Variants in WWC1 observed in about 807,000 individuals in gnomAD.
The protein encoded by WWC1 is protein KIBRA.
WWC1 carries 55 observed loss-of-function variants against 138.4 expected under a neutral mutation model. The ratio of observed to expected loss-of-function variants is 0.40; its 90% CI spans 0.32 to 0.50. The LOEUF (loss-of-function observed/expected upper bound fraction) is 0.50. WWC1 is among the 20% of genes least tolerant of loss of function. WWC1 has a pLI of 0.72. For missense variants in WWC1, 1,226 were observed against 1,420.4 expected, an observed-to-expected ratio of 0.86 and a Z score of 2.20; for synonymous variants, 524 against 564.9, an observed-to-expected ratio of 0.93 and a Z score of 1.03.
chr5:168,363,041 T>A (rs1775995717), intron 1 of WWC1, among the ~76,000 whole-genome samples: 1 of 151,816 alleles, frequency 6.6e-6, no homozygotes, highest in Non-Finnish European at 1.5e-5. Flanking sequence ...AACAAGGAGA[T>A]CTAAGGGTGG....
At chr5:168,435,209 G>A (rs1241098039) in intron 15 of WWC1, among the ~76,000 whole-genome samples, 3 of 152,108 alleles carry the variant, frequency 2.0e-5, no homozygotes, top group Admixed American at 6.5e-5. Flanking sequence ...ATATCTGGCT[G>A]TTCTTGTAGG....
intron 3 of WWC1, among the ~76,000 whole-genome samples, chr5:168,387,969 AAAAC>A (rs1227985388): frequency 6.6e-6 from 1 of 152,212 alleles, no homozygotes; most frequent in African/African-American, 2.4e-5. Context: ...TATAAAAACA[AAAAC>A]AAACCTTTGT....
At chr5:168,443,883 A>C (rs867377265) in intron 16 of WWC1, among the ~76,000 whole-genome samples, 1 of 152,226 alleles carries the variant, frequency 6.6e-6, no homozygotes, top group Non-Finnish European at 1.5e-5. Context: ...TGTGCCAGGT[A>C]TTCTTCTGTG....
At chr5:168,309,818 C>T (rs1770906698) in intron 1 of WWC1, among the ~76,000 whole-genome samples, 1 of 152,182 alleles carries the variant, frequency 6.6e-6, no homozygotes, top group South Asian at 2.1e-4. Flanking sequence ...GTCCCCAAGC[C>T]CTCAACCACC....
At chr5:168,424,104 A>G (rs1781332928) in intron 11 of WWC1, 36 bp downstream of exon 11, 1 of 1,546,120 alleles carries the variant, frequency 6.5e-7, no homozygotes, top group East Asian at 2.3e-5. Flanking sequence ...GGGAACCAGG[A>G]GGAGGGAAAG....
At chr5:168,325,136 G>A (rs1229973872) in intron 1 of WWC1, among the ~76,000 whole-genome samples, 5 of 152,200 alleles carry the variant, frequency 3.3e-5, no homozygotes, top group Non-Finnish European at 7.3e-5. Context: ...GCCTCATTCT[G>A]TGCATAGCAT....
intron 16 of WWC1, among the ~76,000 whole-genome samples, chr5:168,443,729 T>G (rs999854763): frequency 1.3e-5 from 2 of 152,224 alleles, no homozygotes; most frequent in Admixed American, 1.3e-4. Flanking sequence ...AGTTCCCTCT[T>G]TCCCTTCTTA....
At chr5:168,366,645 C>G (rs1351419908) in intron 1 of WWC1, among the ~76,000 whole-genome samples, 3 of 152,078 alleles carry the variant, frequency 2.0e-5, no homozygotes, top group African/African-American at 7.2e-5. Flanking sequence ...GTATTTGGCT[C>G]TGACATCTCA....
chr5:168,361,347 C>A (rs566849207), intron 1 of WWC1, among the ~76,000 whole-genome samples: 1 of 152,232 alleles, frequency 6.6e-6, no homozygotes, highest in East Asian at 1.9e-4. Flanking sequence ...CTTCATTCTA[C>A]TGTGGTGTGG....
chr5:168,461,147 A>G (rs1231078851), intron 20 of WWC1, among the ~76,000 whole-genome samples: 1 of 151,956 alleles, frequency 6.6e-6, no homozygotes, highest in African/African-American at 2.4e-5. Flanking sequence ...TGGCCAACAC[A>G]GTGAAACCCC....
intron 9 of WWC1, among the ~76,000 whole-genome samples, chr5:168,418,625 C>T (rs966423235): frequency 2.0e-5 from 3 of 152,244 alleles, no homozygotes; most frequent in South Asian, 4.2e-4. Flanking sequence ...AATGCCAGGA[C>T]GTCATGGCAG....
At chr5:168,298,450 T>C (rs1277441982) in intron 1 of WWC1, among the ~76,000 whole-genome samples, 2 of 152,200 alleles carry the variant, frequency 1.3e-5, no homozygotes, top group Non-Finnish European at 2.9e-5. Flanking sequence ...TGTAGATGTA[T>C]AATAATAATA....
intron 16 of WWC1, 47 bp downstream of exon 16, chr5:168,441,881 A>G: frequency 6.3e-7 from 1 of 1,587,866 alleles, no homozygotes; most frequent in Non-Finnish European, 8.6e-7. Context: ...CCGCACCCGG[A>G]TGTTGGAAGG....
At chr5:168,373,356 G>A (rs1776899405) in intron 2 of WWC1, among the ~76,000 whole-genome samples, 1 of 152,074 alleles carries the variant, frequency 6.6e-6, no homozygotes, top group Non-Finnish European at 1.5e-5. Flanking sequence ...GTATGGGGGT[G>A]ATTAAATGGG....
At chr5:168,436,379 T>C (rs1432635070) in intron 15 of WWC1, among the ~76,000 whole-genome samples, 1 of 152,150 alleles carries the variant, frequency 6.6e-6, no homozygotes, top group Non-Finnish European at 1.5e-5. Context: ...TTCTTCCTCA[T>C]TTCCCTGACC....
intron 4 of WWC1, 72 bp from the exon 5 acceptor site, chr5:168,399,416 C>T (rs1410284654): frequency 1.5e-5 from 23 of 1,549,076 alleles, no homozygotes; most frequent in Middle Eastern, 1.7e-4. Flanking sequence ...GGTTCCCTTT[C>T]CAGGGAGAAG....
At chr5:168,428,869 C>T (rs1461410612) in intron 13 of WWC1, 82 bp downstream of exon 13, 26 of 1,477,426 alleles carry the variant, frequency 1.8e-5, no homozygotes, top group Non-Finnish European at 2.3e-5. Flanking sequence ...CAGCATTTAC[C>T]TTCACAGCCG....
intron 1 of WWC1, among the ~76,000 whole-genome samples, chr5:168,328,016 T>A (rs138087297): frequency 3.7e-4 from 56 of 152,220 alleles, no homozygotes; most frequent in Admixed American, 1.6e-3. Flanking sequence ...CAAAACAGAG[T>A]GGGACCAGAA....
At chr5:168,412,008 C>T (rs1380398334) in intron 8 of WWC1, 1 of 985,244 alleles carries the variant, frequency 1.0e-6, no homozygotes, top group African/African-American at 1.7e-5. Flanking sequence ...ATTTCAGCTC[C>T]CCCAGGCGTC....
Sources: allele counts gnomAD v4.1 joint callset (sites outside exome capture counted in the v4.1 genomes callset), GRCh38; gene constraint gnomAD v4.1.1; transcripts MANE v1.5; gene names NCBI Gene and HGNC (gene_info 2026-07-23, HGNC 2026-07-21).